Variants in ATP13A3 observed in about 807,000 individuals in gnomAD.
ATP13A3 encodes polyamine-transporting ATPase 13A3.
In ATP13A3, 59 loss-of-function variants were observed where a neutral mutation model predicts 158.1. That is an observed-to-expected ratio of 0.37 (90% confidence interval 0.30 to 0.46). The LOEUF is 0.46. Among genes scored for constraint, ATP13A3 ranks in the 20% least tolerant of loss-of-function variants. The pLI is 1.00. For missense variants in ATP13A3, 1,166 were observed against 1,525.2 expected, an observed-to-expected ratio of 0.76 and a Z score of 3.92; for synonymous variants, 491 against 504.3, an observed-to-expected ratio of 0.97 and a Z score of 0.35.
chr3:194,494,181 T>G lies in ATP13A3; in HGVS notation n.615A>C, dbSNP rs1008425982. On this transcript the variant is annotated non_coding_transcript_exon_variant, in exon 2 of 33. Coordinates refer to the ATP13A3 transcript ENST00000687055. The surrounding 1 kb of genome is among the most constrained non-coding windows in gnomAD (Gnocchi z 4.2). ...CGCATCAAAACTCTGGATTATCTGT[T>G]TAAGCACCCAGACTTCCACCTCCTC... 1 of 398,474 alleles carries G rather than the reference T, an allele frequency of 2.5e-6. No individual in the cohort carries two copies. The highest frequency in any genetic ancestry group is 4.4e-6 in the Non-Finnish European group (1 of 226,100). The allele number at this position is 398,474 out of a possible 1,614,324, so 24.7% of individuals were successfully genotyped here.
intron 2 of ATP13A3, chr3:194,468,087 C>T (rs751955155): frequency 2.0e-5 from 3 of 151,890 alleles, no homozygotes; most frequent in Non-Finnish European, 4.4e-5. Context: ...AATTTTATGC[C>T]AAATATTTCT....
chr3:194,452,528 T>C (rs1718883842), intron 10 of ATP13A3: 1 of 152,196 alleles, frequency 6.6e-6, no homozygotes, highest in South Asian at 2.1e-4. Flanking sequence ...TAGCCTTCAA[T>C]GGCTTTCCAC....
upstream of ATP13A3, chr3:194,488,619 C>T (rs1053789761): frequency 5.2e-5 from 8 of 152,408 alleles, no homozygotes; most frequent in African/African-American, 1.9e-4. The surrounding 1 kb of genome is among the most constrained non-coding windows in gnomAD (Gnocchi z 4.1). Flanking sequence ...GGCCTTATCT[C>T]TCTGGTTCTT....
chr3:194,429,903 G>T, intron 26 of ATP13A3, 129 bp from the exon 27 acceptor site: 1 of 1,000,328 alleles, frequency 1.0e-6, no homozygotes, highest in Non-Finnish European at 1.5e-6. Flanking sequence ...TCCACCAAAA[G>T]AACTAAACCA....
At chr3:194,480,511 C>A (rs1329517477) in intron 2 of ATP13A3, among the ~76,000 whole-genome samples, 1 of 152,142 alleles carries the variant, frequency 6.6e-6, no homozygotes, top group African/African-American at 2.4e-5. Context: ...TAAATTTATT[C>A]TTTAAAAAAA....
intron 21 of ATP13A3, among the ~76,000 whole-genome samples, chr3:194,432,818 GA>G (rs1235927332): frequency 6.9e-6 from 1 of 145,498 alleles, no homozygotes; most frequent in Non-Finnish European, 1.5e-5. Flanking sequence ...TATCTGCTAA[GA>G]AAAAAAAACA....
At position 194,441,451 on chromosome 3, in the gene ATP13A3, G is replaced by A. The variant is rs1297241133; in HGVS notation, c.1570C>T (p.Pro524Ser). Residue 524 changes from proline to serine, a missense_variant, in exon 16 of 34, where the codon CCA (proline) becomes TCA (serine). By Grantham distance (74) the Pro-to-Ser change is moderately conservative. Coordinates refer to ENST00000645319, the MANE Select transcript of ATP13A3 (RefSeq NM_001367549.1). ...ATCTCATTGCACACATTTTCTTCTG[G>A]TGAAAGAAATCTAAGCAGAAGACAC... ...QRVENARFLS[P>S]EENVCNEMLV... The A allele has an allele frequency of 1.2e-6, 2 of 1,612,586 alleles. No homozygotes were observed. The highest frequency in any genetic ancestry group is 2.2e-5 in the South Asian group (2 of 90,994).
chr3:194,409,693 A>ATTTT (rs71179358), intron 33 of ATP13A3, among the ~76,000 whole-genome samples: 1,413 of 93,970 alleles, frequency 0.015, 96 homozygotes, highest in African/African-American at 0.067. Context: ...GACGTAAAGA[A>ATTTT]TTTTTTTTTT....
At chr3:194,418,293 G>T (rs1244234612) in intron 31 of ATP13A3, among the ~76,000 whole-genome samples, 2 of 151,808 alleles carry the variant, frequency 1.3e-5, no homozygotes, top group Non-Finnish European at 2.9e-5. Context: ...AACAAATAAA[G>T]AAAGAAATTA....
At chr3:194,453,280 TAAAAAAAAAAAAA>T (rs35230118) in intron 10 of ATP13A3, among the ~76,000 whole-genome samples, 1 of 100,950 alleles carries the variant, frequency 9.9e-6, no homozygotes, top group South Asian at 3.5e-4. Context: ...ACATCGACTT[TAAAAAAAAAAAAA>T]AAAAAAAAAA....
At chr3:194,407,267 A>G (rs890251174) in intron 33 of ATP13A3, among the ~76,000 whole-genome samples, 6 of 152,212 alleles carry the variant, frequency 3.9e-5, no homozygotes, top group African/African-American at 1.4e-4. Context: ...ATCAACATAT[A>G]AACCAGGCTA....
intron 2 of ATP13A3, among the ~76,000 whole-genome samples, chr3:194,464,345 C>A (rs937998089): frequency 6.6e-6 from 1 of 152,184 alleles, no homozygotes; most frequent in African/African-American, 2.4e-5. Flanking sequence ...GGTCCGACTT[C>A]CTCTAAACAA....
At chr3:194,460,909 T>C (rs1719610494) in intron 3 of ATP13A3, 78 bp from the exon 4 acceptor site, 2 of 1,434,990 alleles carry the variant, frequency 1.4e-6, no homozygotes, top group South Asian at 2.7e-5. Flanking sequence ...CCAAAGTTCT[T>C]TGTTTTCCAG....
chr3:194,458,428 G>A (rs1478786375), intron 6 of ATP13A3, among the ~76,000 whole-genome samples: 1 of 151,992 alleles, frequency 6.6e-6, no homozygotes, highest in Non-Finnish European at 1.5e-5. Context: ...TCGCTCTTTG[G>A]CCCAGGCTGG....
chr3:194,431,846 CAT>C lies in ATP13A3; in HGVS notation c.2290_2291del (p.Met764AspfsTer6). Reference protein sequence around the residue: ...TAVSVARDCGMILPQDKVIIA... With the variant: ...TAVSVARDCGXILPQDKVIIA... ...TAATCACTTTATCCTGAGGTAGAAT[CAT>C]TCCACAATCTCTGGCCACAGAGACA... On this transcript the variant is annotated frameshift_variant, in exon 22 of 34. Coordinates refer to ENST00000645319, the MANE Select transcript of ATP13A3 (RefSeq NM_001367549.1). LOFTEE classifies it high-confidence loss of function. The C allele has an allele frequency of 6.2e-7, 1 of 1,610,384 alleles. No homozygotes were observed.
intron 13 of ATP13A3, 97 bp downstream of exon 13, chr3:194,447,755 T>A: frequency 9.3e-7 from 1 of 1,074,710 alleles, no homozygotes; most frequent in South Asian, 1.7e-5. Context: ...CTTAAAATTT[T>A]AGTTCCTCAT....
In ATP13A3 at chr3:194,431,025, G is replaced by A; in HGVS notation, c.2545-3C>T. ...AACACGGTGCCATGCAACATCAACT[G>A]GAAACAATAATACAAATTTTTTTAA... On this transcript the variant is annotated splice_polypyrimidine_tract_variant and splice_region_variant and intron_variant, in intron 23 of 33. Coordinates refer to ENST00000645319, the MANE Select transcript of ATP13A3 (RefSeq NM_001367549.1). 1 of 1,613,452 alleles carries A rather than the reference G, an allele frequency of 6.2e-7. No homozygotes were observed.
In ATP13A3 at chr3:194,454,686, G is replaced by A. The variant is rs542762201; in HGVS notation, c.631-294C>T. ...ACTAAAAAATACAAAAAAGTTAGCT[G>A]GGCATGGTGGCAGGCGCCTGTAGTC... On this transcript the variant is annotated intron_variant, in intron 8 of 33. Transcript: ENST00000645319. Among the ~76,000 whole-genome samples, 351 of 152,232 alleles carry A rather than the reference G, an allele frequency of 2.3e-3. 2 individuals are homozygous for A. The highest frequency in any genetic ancestry group is 7.9e-3 in the African/African-American group (328 of 41,536).
chr3:194,440,072 G>A (rs943837400), intron 16 of ATP13A3, among the ~76,000 whole-genome samples: 3 of 152,162 alleles, frequency 2.0e-5, no homozygotes, highest in African/African-American at 4.8e-5. Flanking sequence ...AGGGAGGGAG[G>A]GAGGTGGGGA....
Sources: allele counts gnomAD v4.1 joint callset (sites outside exome capture counted in the v4.1 genomes callset), GRCh38; gene constraint gnomAD v4.1.1; non-coding constraint Gnocchi (gnomAD v3.1); transcripts MANE v1.5; gene names NCBI Gene and HGNC (gene_info 2026-07-23, HGNC 2026-07-21).